The following HPS3 variants were observed in gnomAD, a reference collection of about 807,000 sequenced individuals.
HPS3 encodes HPS3 biogenesis of lysosomal organelles complex 2 subunit 1.
Under a neutral mutation model 110.9 loss-of-function variants are expected in HPS3, and 79 were observed. That is an observed-to-expected ratio of 0.71 (90% CI 0.59 to 0.86). HPS3 has a LOEUF of 0.86. Ranked by LOEUF, HPS3 falls within the 40% of genes least tolerant of loss-of-function variation. The pLI is 0.00. For missense variants in HPS3, 1,197 were observed against 1,206.2 expected, an observed-to-expected ratio of 0.99 and a Z score of 0.11; for synonymous variants, 428 against 451.0, an observed-to-expected ratio of 0.95 and a Z score of 0.65.
intron 1 of HPS3, among the ~76,000 whole-genome samples, chr3:149,133,527 G>A (rs1364030149): frequency 6.6e-6 from 1 of 151,976 alleles, no homozygotes; most frequent in African/African-American, 2.4e-5. Flanking sequence ...TCAAACTCCC[G>A]ACCTCAGGTG....
At position 149,173,505 on chromosome 3, in the gene HPS3, G is replaced by A. The variant is rs926127413; in HGVS notation, c.*1283G>A. 16 of 431,530 alleles carry A rather than the reference G, an allele frequency of 3.7e-5. No homozygotes were observed. The highest frequency in any genetic ancestry group is 3.1e-4 in the African/African-American group (15 of 48,812). 26.7% of individuals were successfully genotyped at this position (431,530 alleles called of 1,614,324 possible). A position where few individuals can be genotyped will look rare whatever the true frequency, so the allele number is the denominator to read the frequency against. The stretch of plus-strand genomic sequence containing the variant: ...CAGTTTTATTACCTAGTGTACAAGT[G>A]TCAGTCATGTATCATTATATAGTCT... On this transcript the variant is annotated 3_prime_UTR_variant, in exon 17 of 17. Transcript: ENST00000296051.
chr3:149,156,498 T>C (rs1346056067), intron 8 of HPS3, among the ~76,000 whole-genome samples: 1 of 152,222 alleles, frequency 6.6e-6, no homozygotes, highest in Non-Finnish European at 1.5e-5. Context: ...CATTATGTTT[T>C]ATGACATGAG....
intron 1 of HPS3, among the ~76,000 whole-genome samples, chr3:149,136,657 C>T (rs1363510120): frequency 5.3e-5 from 8 of 152,144 alleles, no homozygotes; most frequent in Non-Finnish European, 1.0e-4. Context: ...TCTTAAAGGG[C>T]TGTTGTGAGA....
At chr3:149,159,602 A>G (rs1313866476) in intron 10 of HPS3, among the ~76,000 whole-genome samples, 1 of 152,192 alleles carries the variant, frequency 6.6e-6, no homozygotes, top group Non-Finnish European at 1.5e-5. Context: ...TGTATTTTAT[A>G]CATAGTTGGA....
chr3:149,131,326 T>C (rs906610541), intron 1 of HPS3, among the ~76,000 whole-genome samples: 3 of 151,972 alleles, frequency 2.0e-5, no homozygotes, highest in African/African-American at 4.8e-5. Flanking sequence ...TGTTTTTTTC[T>C]CCCCAATTGA....
At chr3:149,133,964 C>G (rs1721925985) in intron 1 of HPS3, among the ~76,000 whole-genome samples, 1 of 151,248 alleles carries the variant, frequency 6.6e-6, no homozygotes, top group Non-Finnish European at 1.5e-5. Flanking sequence ...TCCAATATCT[C>G]TGGGATATGC....
chr3:149,159,968 C>A, intron 10 of HPS3, 78 bp from the exon 11 acceptor site: 1 of 971,724 alleles, frequency 1.0e-6, no homozygotes, highest in Non-Finnish European at 1.7e-6. Context: ...GCTTTTTGCA[C>A]ATATGTTTTG....
intron 14 of HPS3, among the ~76,000 whole-genome samples, chr3:149,164,817 A>G (rs913202003): frequency 2.0e-5 from 3 of 152,186 alleles, no homozygotes; most frequent in Admixed American, 6.5e-5. Context: ...CCTGACCCAA[A>G]TGCTGAGTGT....
chr3:149,153,001 C>T lies in HPS3; in HGVS notation c.1246-493C>T, dbSNP rs1347956029. ...CATCGGAACATACAAGCATTTCTTT[C>T]ACACACACATCCGCAAAGAAACCAT... On this transcript the variant is annotated intron_variant, in intron 6 of 16. Coordinates refer to ENST00000296051, the MANE Select transcript of HPS3 (RefSeq NM_032383.5). 2.0e-5 allele frequency among the ~76,000 whole-genome samples: 3 copies of T among 152,308 alleles called. No individual in the cohort carries two copies. In the East Asian group the frequency reaches 5.8e-4, roughly 29 times the overall value.
intron 1 of HPS3, chr3:149,130,144 C>G: frequency 1.7e-6 from 1 of 589,318 alleles, no homozygotes. Context: ...TAGGTATGAG[C>G]TTGCTTCTGT....
At chr3:149,138,799 GC>G (rs1247582443) in intron 1 of HPS3, among the ~76,000 whole-genome samples, 2 of 152,214 alleles carry the variant, frequency 1.3e-5, no homozygotes, top group Non-Finnish European at 2.9e-5. Flanking sequence ...AAGATGGCCA[GC>G]TTTATAAAAA....
intron 4 of HPS3, among the ~76,000 whole-genome samples, chr3:149,144,305 C>A (rs1722663421): frequency 6.6e-6 from 1 of 151,976 alleles, no homozygotes; most frequent in African/African-American, 2.4e-5. Flanking sequence ...ATCGTTTGAA[C>A]CCGGGAGGTG....
Position 149,129,821 on chromosome 3 carries a change from T to C in HPS3, c.98T>C (p.Leu33Pro). ...DRFCGGGRDA[L>P]FVAAGCKVEA... ...TTCTGTGGCGGGGGGCGTGACGCGC[T>C]TTTCGTGGCGGCGGGCTGCAAGGTG... Residue 33 changes from leucine to proline, a missense_variant, in exon 1 of 17, where the codon CTT becomes CCT. Transcript: ENST00000296051. 2 of 1,605,586 alleles carry C rather than the reference T, an allele frequency of 1.2e-6. No individual in the cohort carries two copies. The highest frequency in any genetic ancestry group is 2.2e-5 in the South Asian group (2 of 90,856).
intron 16 of HPS3, among the ~76,000 whole-genome samples, chr3:149,170,307 T>C (rs989852700): frequency 2.0e-5 from 3 of 152,218 alleles, no homozygotes; most frequent in Admixed American, 1.3e-4. Context: ...CTCAGTTTTT[T>C]TGTTTCTGAG....
chr3:149,144,130 A>G (rs1285570099), intron 4 of HPS3, among the ~76,000 whole-genome samples: 1 of 151,474 alleles, frequency 6.6e-6, no homozygotes, highest in Non-Finnish European at 1.5e-5. Context: ...TAATCCCAGC[A>G]CTTTGGGAGG....
At chr3:149,136,198 G>A (rs2108122335) in intron 1 of HPS3, among the ~76,000 whole-genome samples, 1 of 110,924 alleles carries the variant, frequency 9.0e-6, no homozygotes, top group African/African-American at 3.9e-5. Context: ...TATAATATAT[G>A]TATATACATA....
Position 149,163,814 on chromosome 3 carries a change from G to T in HPS3, c.2482-28G>T, listed in dbSNP as rs200155649. 524 of 1,212,288 alleles carry T rather than the reference G, an allele frequency of 4.3e-4. 3 individuals carry two copies. Among genetic ancestry groups the T allele is most frequent in the Non-Finnish European group, 8.0e-5 (65 of 814,618 alleles). 75.1% of individuals were successfully genotyped at this position (1,212,288 alleles called of 1,614,324 possible). On this transcript the variant is annotated intron_variant, in intron 13 of 16. Coordinates refer to ENST00000296051, the MANE Select transcript of HPS3 (RefSeq NM_032383.5). ...AAGCAAGCTTTTGTTGTTATATTTT[G>T]TTTATGAGAAATTCTTTTATGTTTT...
intron 1 of HPS3, among the ~76,000 whole-genome samples, chr3:149,131,138 A>C (rs1559903307): frequency 1.3e-5 from 2 of 150,758 alleles, no homozygotes; most frequent in South Asian, 4.2e-4. Flanking sequence ...AAAAAAAAAA[A>C]AACAAAAAGT....
Position 149,167,493 on chromosome 3 carries a change from AT to A in HPS3, c.2796+256del, listed in dbSNP as rs201290538. On this transcript the variant is annotated intron_variant, in intron 15 of 16. Transcript: ENST00000296051. ...AGATGAAGTAGTTGATTACCTGAAG[AT>A]TTGGGAACAGTGTATGATGGGAAAA... 3.9e-5 allele frequency among the ~76,000 whole-genome samples: 6 copies of A among 152,320 alleles called. No individual in the cohort carries two copies. In the East Asian group the frequency reaches 1.2e-3, roughly 29 times the overall value.
Sources: allele counts gnomAD v4.1 joint callset (sites outside exome capture counted in the v4.1 genomes callset), GRCh38; gene constraint gnomAD v4.1.1; transcripts MANE v1.5; gene names NCBI Gene and HGNC (gene_info 2026-07-23, HGNC 2026-07-21).